Variants in ARHGEF18 observed in about 807,000 individuals in gnomAD.
ARHGEF18 encodes rho guanine nucleotide exchange factor 18.
ARHGEF18 carries 93 observed loss-of-function variants against 155.7 expected under a neutral mutation model. That is an observed-to-expected ratio of 0.60 (90% confidence interval 0.50 to 0.71). The LOEUF is 0.71. ARHGEF18 is among the 30% of genes least tolerant of loss of function. ARHGEF18 has a pLI of 0.00. For missense variants in ARHGEF18, 1,593 were observed against 1,816.1 expected, an observed-to-expected ratio of 0.88 and a Z score of 2.23; for synonymous variants, 742 against 753.1, an observed-to-expected ratio of 0.99 and a Z score of 0.24.
rs200202576 is a variant in ARHGEF18, at chr19:7,442,124, C to CCCTTCCTTCCTTCCTT, written c.1360+105_1360+120dup. 11 of 1,129,724 alleles carry CCCTTCCTTCCTTCCTT rather than the reference C, an allele frequency of 9.7e-6. No homozygotes were observed. In the East Asian group the frequency reaches 1.2e-4, roughly 12 times the overall value. 70.0% of individuals were successfully genotyped at this position (1,129,724 alleles called of 1,614,324 possible). On this transcript the variant is annotated intron_variant, in intron 13 of 28. Transcript: ENST00000668164. ...TTCTCTGCTCCCTCCCTTCCTCCCTCCCTTCCTTCCTTCCTTCCTTCCTTC... is the reference window on the plus strand; with the variant it reads ...TTCTCTGCTCCCTCCCTTCCTCCCTCCCTTCCTTCCTTCCTTCCTTCCTTCCTTCCTTCCTTCCTTC...
At chr19:7,420,723 G>T (rs1400230522) in intron 10 of ARHGEF18, among the ~76,000 whole-genome samples, 2 of 152,224 alleles carry the variant, frequency 1.3e-5, no homozygotes, top group African/African-American at 4.8e-5. Flanking sequence ...GGCACACACA[G>T]CCCTGGGAAC....
rs1039815596 is a variant in ARHGEF18, at chr19:7,353,991, G to C, written c.-111+4750G>C. Among the ~76,000 whole-genome samples, 4 of 150,630 alleles carry C rather than the reference G, an allele frequency of 2.7e-5. No individual in the cohort carries two copies. The East Asian group carries it at 7.8e-4, about 30-fold the overall frequency. Reference sequence around the variant, plus strand: ...AAAAAAGAAAGAAAGAAAAAGAAAAGAAATAGATATCCCTGTTGTATTTTT... The same window carrying C: ...AAAAAAGAAAGAAAGAAAAAGAAAACAAATAGATATCCCTGTTGTATTTTT... On this transcript the variant is annotated intron_variant, in intron 1 of 28. Transcript: ENST00000668164.
At chr19:7,405,240 T>G (rs529425235) in intron 10 of ARHGEF18, among the ~76,000 whole-genome samples, 9 of 152,314 alleles carry the variant, frequency 5.9e-5, no homozygotes, top group African/African-American at 2.2e-4. Flanking sequence ...ATTACAGGCG[T>G]GAGCCACCGC....
chr19:7,453,726 GC>G lies in ARHGEF18; in HGVS notation c.2104+15del. On this transcript the variant is annotated intron_variant, in intron 17 of 28. Transcript: ENST00000668164. ...CAGGGCGCTTGAAAGGTAAAGGCCT[GC>G]CCCTGCCCACCTCTAGTGGGTGCCA... 1.3e-6 allele frequency: 2 copies of G among 1,533,944 alleles called. No homozygotes were observed. The highest frequency in any genetic ancestry group is 1.8e-6 in the Non-Finnish European group (2 of 1,139,026).
At chr19:7,447,752 G>A (rs191762644) in intron 15 of ARHGEF18, among the ~76,000 whole-genome samples, 3 of 152,172 alleles carry the variant, frequency 2.0e-5, no homozygotes, top group East Asian at 1.9e-4. Flanking sequence ...CCAGCACTTC[G>A]AGAGGCCAAG....
In ARHGEF18 at chr19:7,468,811, T is replaced by G; in HGVS notation, c.3481-14T>G. ...GGAACCTCACATTGGATGTATCTGCTGTTGTCCCCTCAGGCCCAGCCCCCA... is the reference window on the plus strand; with the variant it reads ...GGAACCTCACATTGGATGTATCTGCGGTTGTCCCCTCAGGCCCAGCCCCCA... On this transcript the variant is annotated splice_polypyrimidine_tract_variant and intron_variant, in intron 26 of 28. Coordinates refer to ENST00000668164, the MANE Select transcript of ARHGEF18 (RefSeq NM_001367823.1). 1 of 1,530,936 alleles carries G rather than the reference T, an allele frequency of 6.5e-7. No homozygotes were observed. The allele number at this position is 1,530,936 out of a possible 1,614,324, so 94.8% of individuals were successfully genotyped here.
At chr19:7,439,643 T>C in intron 10 of ARHGEF18, 1 of 1,120,044 alleles carries the variant, frequency 8.9e-7, no homozygotes, top group Non-Finnish European at 1.1e-6. Flanking sequence ...TCGCGTCCAC[T>C]TCGATGCTAG....
intron 3 of ARHGEF18, among the ~76,000 whole-genome samples, chr19:7,375,281 A>AAAAGAAAGAAAAG (rs1387879886): frequency 6.3e-5 from 9 of 143,418 alleles, no homozygotes; most frequent in Admixed American, 5.7e-4. Flanking sequence ...CAAAAAAAAA[A>AAAAGAAAGAAAAG]AAAGAAAGAA....
Position 7,462,859 on chromosome 19 carries a change from TG to T in ARHGEF18, c.2635+527del, listed in dbSNP as rs1175576761. Among the ~76,000 whole-genome samples the T allele has an allele frequency of 2.2e-5, 3 of 135,330 alleles. No individual in the cohort carries two copies. Among genetic ancestry groups the T allele is most frequent in the Non-Finnish European group, 3.1e-5 (2 of 64,238 alleles). 88.8% of individuals were successfully genotyped at this position (135,330 alleles called of 152,430 possible). On this transcript the variant is annotated intron_variant, in intron 21 of 28. Coordinates refer to ENST00000668164, the MANE Select transcript of ARHGEF18 (RefSeq NM_001367823.1). This position sits in a 1 kb window ranked among gnomAD's most constrained non-coding sequence, Gnocchi z 4.4. ...TTCTTTTTTTTTTTTTTTTTTGAGA[TG>T]GAGTCTCGCTTTGTCACCCAGGCTG...
At chr19:7,434,405 G>T (rs1245338107) in intron 10 of ARHGEF18, among the ~76,000 whole-genome samples, 1 of 152,106 alleles carries the variant, frequency 6.6e-6, no homozygotes, top group East Asian at 1.9e-4. Flanking sequence ...TCCCCCTCAG[G>T]TCAGAACTGT....
chr19:7,396,429 C>T (rs1480477688), intron 10 of ARHGEF18, among the ~76,000 whole-genome samples: 1 of 152,054 alleles, frequency 6.6e-6, no homozygotes, highest in African/African-American at 2.4e-5. Flanking sequence ...TAAGAGGTGT[C>T]AGGAGAGGCT....
intron 10 of ARHGEF18, among the ~76,000 whole-genome samples, chr19:7,393,735 G>C (rs1445293241): frequency 1.3e-5 from 2 of 150,902 alleles, no homozygotes; most frequent in Non-Finnish European, 1.5e-5. Flanking sequence ...ATAGGGGAGG[G>C]TATGGTATGT....
At chr19:7,435,460 G>A (rs904412646) in intron 10 of ARHGEF18, among the ~76,000 whole-genome samples, 9 of 152,162 alleles carry the variant, frequency 5.9e-5, no homozygotes, top group African/African-American at 9.7e-5. Context: ...AATATGGACA[G>A]GAGTCTTCAT....
intron 10 of ARHGEF18, among the ~76,000 whole-genome samples, chr19:7,399,148 A>C (rs1971891052): frequency 6.6e-6 from 1 of 152,096 alleles, no homozygotes; most frequent in African/African-American, 2.4e-5. Flanking sequence ...TCCCCCTGAG[A>C]CGGTCAAGAA....
chr19:7,388,416 C>A (rs886206998), intron 10 of ARHGEF18, among the ~76,000 whole-genome samples: 2 of 151,746 alleles, frequency 1.3e-5, no homozygotes, highest in Non-Finnish European at 2.9e-5. Context: ...AAACCGATTT[C>A]CTCATTCAGC....
intron 2 of ARHGEF18, among the ~76,000 whole-genome samples, chr19:7,369,330 A>G (rs571169584): frequency 1.3e-5 from 2 of 151,964 alleles, no homozygotes; most frequent in Non-Finnish European, 2.9e-5. Context: ...GCGTGGTGGC[A>G]CATGCCTGTA....
At chr19:7,405,347 C>T (rs1972249340) in intron 10 of ARHGEF18, among the ~76,000 whole-genome samples, 1 of 152,240 alleles carries the variant, frequency 6.6e-6, no homozygotes, top group East Asian at 1.9e-4. Flanking sequence ...GTGGCCTTCA[C>T]CTGTGTGTGT....
chr19:7,419,279 ACT>A (rs1172683938), intron 10 of ARHGEF18, among the ~76,000 whole-genome samples: 1 of 111,858 alleles, frequency 8.9e-6, no homozygotes, highest in East Asian at 3.4e-4. Context: ...GTGTGCCCAC[ACT>A]CGGCCCCCGC....
At chr19:7,476,986 G>A, downstream of ARHGEF18, 1 of 415,914 alleles carries the variant, frequency 2.4e-6, no homozygotes, top group Non-Finnish European at 4.2e-6. Flanking sequence ...GGCAGGAGGT[G>A]CTGCTGAAGC....
Sources: allele counts gnomAD v4.1 joint callset (sites outside exome capture counted in the v4.1 genomes callset), GRCh38; gene constraint gnomAD v4.1.1; non-coding constraint Gnocchi (gnomAD v3.1); transcripts MANE v1.5; gene names NCBI Gene and HGNC (gene_info 2026-07-23, HGNC 2026-07-21).